INSL6: variants seen among roughly 807,000 people sequenced by gnomAD.
The protein encoded by INSL6 is insulin like 6.
A neutral mutation model predicts 9.4 loss-of-function variants in INSL6; 16 were observed. The observed-to-expected ratio is 1.70, with a 90% confidence interval of 1.15 to 2.59. The LOEUF is 2.59. Ranked by LOEUF, INSL6 falls within the 30% of genes most tolerant of loss-of-function variation. The probability of loss-of-function intolerance (pLI) is 0.00; values close to 1 mark genes in which losing one functional copy is unlikely to be tolerated. For synonymous variants in INSL6, 154 were observed against 96.9 expected (o/e 1.59, Z -3.46); for missense variants, 391 against 257.3 (o/e 1.52, Z -3.56).
At chr9:5,050,915 C>G in the INSL6 span, 1 of 1,215,628 alleles carries the variant, frequency 8.2e-7, no homozygotes. Context: ...TTTACCCATG[C>G]CTTTTGATTT....
At chr9:4,997,927 T>A in the INSL6 span, among the ~76,000 whole-genome samples, 1 of 152,156 alleles carries the variant, frequency 6.6e-6, no homozygotes, top group East Asian at 1.9e-4. Context: ...AATTTTTTTT[T>A]AATCTGAATG....
the INSL6 span, chr9:5,081,816 A>T: frequency 1.2e-6 from 2 of 1,613,798 alleles, no homozygotes. Context: ...GGGATCCTAC[A>T]CAGTTTGAAG....
At chr9:5,055,646 A>T in the INSL6 span, 1 of 1,515,212 alleles carries the variant, frequency 6.6e-7, no homozygotes, top group South Asian at 1.2e-5. Flanking sequence ...CCCGTTTTTA[A>T]TTTTACATGC....
At chr9:5,111,178 C>A in the INSL6 span, 1 of 711,556 alleles carries the variant, frequency 1.4e-6, no homozygotes, top group South Asian at 1.5e-5. Flanking sequence ...CAGCCACTCT[C>A]CATTCACATT....
the INSL6 span, among the ~76,000 whole-genome samples, chr9:5,089,090 C>A: frequency 1.3e-5 from 2 of 152,178 alleles, no homozygotes; most frequent in Non-Finnish European, 2.9e-5. Context: ...CTTATCTTGA[C>A]AATTAATGCT....
the INSL6 span, among the ~76,000 whole-genome samples, chr9:5,078,743 C>T: frequency 1.3e-5 from 2 of 151,976 alleles, no homozygotes; most frequent in Admixed American, 1.3e-4. Context: ...TTCCTTGAGC[C>T]ACAAGTAAAT....
At chr9:5,116,658 C>T in the INSL6 span, among the ~76,000 whole-genome samples, 7 of 152,100 alleles carry the variant, frequency 4.6e-5, no homozygotes, top group Admixed American at 3.9e-4. Flanking sequence ...TATTAAGACT[C>T]TACTGTGCTC....
chr9:5,059,722 C>T, the INSL6 span, among the ~76,000 whole-genome samples: 1 of 152,120 alleles, frequency 6.6e-6, no homozygotes, highest in African/African-American at 2.4e-5. Flanking sequence ...TTTTGTCAGT[C>T]TAAAAATGTC....
chr9:4,993,020 T>C, the INSL6 span, among the ~76,000 whole-genome samples: 1 of 152,224 alleles, frequency 6.6e-6, no homozygotes, highest in South Asian at 2.1e-4. Flanking sequence ...TTTCTGAGCT[T>C]GCTTCCTGCC....
At chr9:5,175,254 G>C (rs1047701961) in intron 1 of INSL6, among the ~76,000 whole-genome samples, 4 of 152,046 alleles carry the variant, frequency 2.6e-5, no homozygotes, top group African/African-American at 4.8e-5. Context: ...AGTCATTCTT[G>C]ATTTCTCTTC....
downstream of INSL6, among the ~76,000 whole-genome samples, chr9:5,121,754 C>T (rs560508003): frequency 6.6e-6 from 1 of 152,206 alleles, no homozygotes; most frequent in South Asian, 2.1e-4. Flanking sequence ...TTATTTTCAA[C>T]AAGGGGAATT....
chr9:5,005,578 A>G, the INSL6 span, among the ~76,000 whole-genome samples: 3 of 151,912 alleles, frequency 2.0e-5, no homozygotes, highest in East Asian at 3.9e-4. Flanking sequence ...TTTGTTTAGC[A>G]TTTTTTTCCA....
At chr9:5,119,311 T>G (rs1409902329), downstream of INSL6, among the ~76,000 whole-genome samples, 1 of 152,148 alleles carries the variant, frequency 6.6e-6, no homozygotes, top group Non-Finnish European at 1.5e-5. Context: ...GAGGTATGTT[T>G]ATTATGAAGC....
intron 3 of INSL6, chr9:5,125,829 T>G (rs1198882721): frequency 6.6e-6 from 1 of 151,558 alleles, no homozygotes; most frequent in Non-Finnish European, 1.5e-5. Context: ...ATATTTGTAA[T>G]TTTTTTTCCC....
At chr9:5,106,099 A>T in the INSL6 span, among the ~76,000 whole-genome samples, 2 of 152,226 alleles carry the variant, frequency 1.3e-5, no homozygotes, top group East Asian at 1.9e-4. Flanking sequence ...ACAGCAAAAC[A>T]AACTACCATT....
the INSL6 span, chr9:5,086,051 A>G: frequency 1.2e-5 from 9 of 737,698 alleles, no homozygotes; most frequent in East Asian, 2.4e-4. Context: ...AATGCTTCAC[A>G]AGATTAAAAT....
chr9:5,093,614 G>GAT, the INSL6 span, among the ~76,000 whole-genome samples: 1 of 152,038 alleles, frequency 6.6e-6, no homozygotes, highest in Non-Finnish European at 1.5e-5. Flanking sequence ...TAAAAATTTT[G>GAT]GTTGGGGTGA....
the INSL6 span, chr9:5,111,202 C>T: frequency 1.6e-5 from 10 of 638,856 alleles, no homozygotes; most frequent in Middle Eastern, 1.6e-3. Flanking sequence ...GGGACCGGGA[C>T]TCGGAGGCAA....
the INSL6 span, among the ~76,000 whole-genome samples, chr9:5,037,095 G>GAC: frequency 1.8e-3 from 274 of 151,992 alleles, 1 homozygote; most frequent in African/African-American, 6.4e-3. Flanking sequence ...GCAGCCAAAA[G>GAC]ACATGAAAAA....
Sources: allele counts gnomAD v4.1 joint callset (sites outside exome capture counted in the v4.1 genomes callset), GRCh38; gene constraint gnomAD v4.1.1; transcripts MANE v1.5; gene names NCBI Gene and HGNC (gene_info 2026-07-23, HGNC 2026-07-21).